The following RBM20 variants were observed in gnomAD, a reference collection of about 807,000 sequenced individuals.
RBM20 encodes the protein RNA-binding protein 20.
A neutral mutation model predicts 110.1 loss-of-function variants in RBM20; 51 were observed. The observed-to-expected ratio is 0.46, with a 90% confidence interval of 0.37 to 0.59. RBM20 has a LOEUF of 0.59. Among genes scored for constraint, RBM20 ranks in the 20% least tolerant of loss-of-function variants. RBM20 has a pLI of 0.00. For synonymous variants in RBM20, 589 were observed against 618.2 expected (o/e 0.95, Z 0.70); for missense variants, 1,512 against 1,574.9 (o/e 0.96, Z 0.68).
chr10:110,671,127 A>G (rs1862251795), intron 1 of RBM20, among the ~76,000 whole-genome samples: 1 of 152,242 alleles, frequency 6.6e-6, no homozygotes, highest in African/African-American at 2.4e-5. Flanking sequence ...AGAAGCCTCC[A>G]GTGGATCATC....
chr10:110,748,381 CAG>C (rs1156905485), intron 1 of RBM20, among the ~76,000 whole-genome samples: 2 of 152,124 alleles, frequency 1.3e-5, no homozygotes, highest in Non-Finnish European at 2.9e-5. Flanking sequence ...TCAAAGAGCT[CAG>C]AGTATGTCTA....
intron 1 of RBM20, among the ~76,000 whole-genome samples, chr10:110,711,737 AT>A (rs1862932788): frequency 6.6e-6 from 1 of 152,200 alleles, no homozygotes; most frequent in Non-Finnish European, 1.5e-5. Context: ...AGAATTATTG[AT>A]TTATTCATGC....
intron 1 of RBM20, among the ~76,000 whole-genome samples, chr10:110,679,874 C>T (rs182420972): frequency 3.1e-3 from 468 of 152,288 alleles, no homozygotes; most frequent in Non-Finnish European, 5.1e-3. Context: ...ATGGCCACAG[C>T]GGCATTCACT....
At chr10:110,686,438 G>A (rs7909243) in intron 1 of RBM20, among the ~76,000 whole-genome samples, 89,075 of 151,448 alleles carry the variant, frequency 0.59, 26,759 homozygotes, top group Middle Eastern at 0.7. Flanking sequence ...CTGAAGCCCA[G>A]TTAAAACTCT....
chr10:110,817,606 C>CTAATCCAG (rs1844856566), intron 9 of RBM20, among the ~76,000 whole-genome samples: 1 of 152,224 alleles, frequency 6.6e-6, no homozygotes, highest in Non-Finnish European at 1.5e-5. Context: ...GAGAGAAATG[C>CTAATCCAG]TAATCCAGTG....
At chr10:110,804,799 C>G (rs1026052519) in intron 7 of RBM20, among the ~76,000 whole-genome samples, 2 of 152,202 alleles carry the variant, frequency 1.3e-5, no homozygotes, top group Admixed American at 6.5e-5. Context: ...CAGAAGTGAA[C>G]TTGGAATAAT....
At chr10:110,752,463 T>C (rs777476941) in intron 1 of RBM20, among the ~76,000 whole-genome samples, 7 of 152,256 alleles carry the variant, frequency 4.6e-5, no homozygotes. Context: ...ACATCTTGGT[T>C]TCTTTCATGT....
At chr10:110,752,591 A>T (rs1227691830) in intron 1 of RBM20, among the ~76,000 whole-genome samples, 1 of 152,218 alleles carries the variant, frequency 6.6e-6, no homozygotes, top group Non-Finnish European at 1.5e-5. Flanking sequence ...ATATAGATGT[A>T]GTTGAAAGGG....
At chr10:110,823,878 C>T (rs548408524) in intron 12 of RBM20, among the ~76,000 whole-genome samples, 84 of 139,280 alleles carry the variant, frequency 6.0e-4, no homozygotes, top group Middle Eastern at 3.5e-3. Context: ...CCACCAGGCC[C>T]GGCTAATTTT....
chr10:110,824,110 C>A (rs761883138), intron 12 of RBM20, among the ~76,000 whole-genome samples: 2 of 152,068 alleles, frequency 1.3e-5, no homozygotes, highest in African/African-American at 2.4e-5. Context: ...TTCAGTCTCC[C>A]GTAATAGACC....
rs1187496206 is a variant in RBM20 at position 110,644,610 on chromosome 10, C to G, written c.156C>G (p.Pro52=). 2 of 1,519,930 alleles carry G rather than the reference C, an allele frequency of 1.3e-6. No homozygotes were observed. Among genetic ancestry groups the G allele is most frequent in the Non-Finnish European group, 1.8e-6 (2 of 1,137,358 alleles). 94.2% of individuals were successfully genotyped at this position (1,519,930 alleles called of 1,614,324 possible). A position where few individuals can be genotyped will look rare whatever the true frequency, so the allele number is the denominator to read the frequency against. ...CGCCGCCGCCGCCCCAGCCACCGCC[C>G]CCGCCCCAAGCCGGCCTACCCCAGA... The part of the protein sequence containing the change: ...QQPPPPPQPP[P]PPQAGLPQII... Residue 52 remains proline (P), a synonymous_variant, in exon 1 of 14, where the codon CCC becomes CCG. Coordinates refer to ENST00000369519, the MANE Select transcript of RBM20 (RefSeq NM_001134363.3). This position sits in a 1 kb window ranked among gnomAD's most constrained non-coding sequence, Gnocchi z 4.3.
rs760246427 is a variant in RBM20 at position 110,758,014 on chromosome 10, C to CTTTTTTTTTTTTTTTT, written c.192-22778_192-22763dup. ...AGAAAAGACAGGCAAGATCCTTGTT[C>CTTTTTTTTTTTTTTTT]TTTTTTTTTTTTTTTTTTTTTTTTG... is the stretch of plus-strand genomic sequence containing the variant. On this transcript the variant is annotated intron_variant, in intron 1 of 13. Transcript: ENST00000369519. 1.4e-4 allele frequency among the ~76,000 whole-genome samples: 11 copies of CTTTTTTTTTTTTTTTT among 79,910 alleles called. 3 individuals are homozygous for CTTTTTTTTTTTTTTTT. The highest frequency in any genetic ancestry group is 4.7e-4 in the African/African-American group (9 of 19,172). 52.4% of individuals were successfully genotyped at this position (79,910 alleles called of 152,430 possible). A position where few individuals can be genotyped will look rare whatever the true frequency, so the allele number is the denominator to read the frequency against.
intron 5 of RBM20, among the ~76,000 whole-genome samples, chr10:110,786,312 C>T (rs1343871633): frequency 6.6e-6 from 1 of 152,240 alleles, no homozygotes; most frequent in African/African-American, 2.4e-5. Flanking sequence ...CGAGTGAACA[C>T]AAGCTCACAA....
intron 1 of RBM20, among the ~76,000 whole-genome samples, chr10:110,680,611 C>A (rs1035691377): frequency 6.6e-6 from 1 of 152,186 alleles, no homozygotes; most frequent in African/African-American, 2.4e-5. Context: ...CTGACACATA[C>A]GGCTAACTAG....
chr10:110,645,007 G>T (rs1861848418), intron 1 of RBM20, among the ~76,000 whole-genome samples: 1 of 152,128 alleles, frequency 6.6e-6, no homozygotes, highest in Admixed American at 6.5e-5. Context: ...GTGCGTGAGT[G>T]TGTGCGCGCG....
Position 110,797,509 on chromosome 10 carries a change from T to C in RBM20, c.1529T>C (p.Phe510Ser), listed in dbSNP as rs372567331. ...ACTAATGATCTTTGTTCCCATTAGT[T>C]TGCACAGCGGAAAGGGGCTGGCCGT... ...TFPLASVGTT[F>S]AQRKGAGRVV... is the part of the protein sequence containing the mutation. The change falls in exon 6 of 14, where the codon TTT becomes TCT. Residue 510 changes from phenylalanine to serine, a missense_variant and splice_region_variant. Around this residue, in one of 3 missense-constraint regions of RBM20, gnomAD observed 1,149 missense variants for 1,169.4 expected, o/e 0.98. Transcript: ENST00000369519. 67 of 1,550,506 alleles carry C rather than the reference T, an allele frequency of 4.3e-5. No homozygotes were observed. The East Asian group carries it at 8.3e-4, about 19-fold the overall frequency.
intron 13 of RBM20, among the ~76,000 whole-genome samples, chr10:110,832,343 T>G (rs1845068024): frequency 6.6e-6 from 1 of 152,192 alleles, no homozygotes; most frequent in African/African-American, 2.4e-5. Context: ...GGCATTACTA[T>G]TATCATTAAA....
rs148210931 is a variant in RBM20 at position 110,825,568 on chromosome 10, T to C, written c.3451+1954T>C. Among the ~76,000 whole-genome samples the C allele has an allele frequency of 1.2e-4, 19 of 152,328 alleles. No homozygotes were observed. In the East Asian group the frequency reaches 3.7e-3, roughly 29 times the overall value. On this transcript the variant is annotated intron_variant, in intron 12 of 13. Coordinates refer to ENST00000369519, the MANE Select transcript of RBM20 (RefSeq NM_001134363.3). Reference sequence around the variant, plus strand: ...CAAAAATGGGATCACACTACACACATAATGTTCTGCAAGTTCACTTAGTAG... The same window carrying C: ...CAAAAATGGGATCACACTACACACACAATGTTCTGCAAGTTCACTTAGTAG...
rs1845174812 is a variant in RBM20 at position 110,839,377 on chromosome 10, C to T, written c.*3399C>T. 6.6e-6 allele frequency: 1 copy of T among 152,090 alleles called. No individual in the cohort carries two copies. Among genetic ancestry groups the T allele is most frequent in the Admixed American group, 6.5e-5 (1 of 15,274 alleles). The allele number at this position is 152,090 out of a possible 1,614,324, so 9.4% of individuals were successfully genotyped here. On this transcript the variant is annotated 3_prime_UTR_variant, in exon 14 of 14. Coordinates refer to ENST00000369519, the MANE Select transcript of RBM20 (RefSeq NM_001134363.3). ...TTGTTGAGTGTCCTATAAATTGTCA[C>T]TACTTTTCCTGATCTGTATAACTGA...
Sources: allele counts gnomAD v4.1 joint callset (sites outside exome capture counted in the v4.1 genomes callset), GRCh38; gene constraint gnomAD v4.1.1; regional missense constraint gnomAD v4.1.1; non-coding constraint Gnocchi (gnomAD v3.1); transcripts MANE v1.5; gene names NCBI Gene and HGNC (gene_info 2026-07-23, HGNC 2026-07-21).